The following TXNRD2 variants were observed in gnomAD, a reference collection of about 807,000 sequenced individuals.
TXNRD2 encodes the protein thioredoxin reductase 2.
In TXNRD2, 67 loss-of-function variants were observed where a neutral mutation model predicts 70.8. The ratio of observed to expected loss-of-function variants is 0.95; its 90% CI spans 0.78 to 1.16. The LOEUF is 1.16. Ranked by LOEUF, TXNRD2 falls within the 50% of genes most tolerant of loss-of-function variation. The probability of loss-of-function intolerance (pLI) is 0.00; values close to 1 mark genes in which losing one functional copy is unlikely to be tolerated. For missense variants in TXNRD2, 644 were observed against 719.9 expected, an observed-to-expected ratio of 0.89 and a Z score of 1.21; for synonymous variants, 301 against 295.8, an observed-to-expected ratio of 1.02 and a Z score of -0.18.
chr22:19,917,848 T>C (rs1312221142), intron 5 of TXNRD2, among the ~76,000 whole-genome samples: 1 of 152,190 alleles, frequency 6.6e-6, no homozygotes, highest in Non-Finnish European at 1.5e-5. Context: ...GCCTGAGGCC[T>C]TCCAGCCCCA....
intron 7 of TXNRD2, among the ~76,000 whole-genome samples, chr22:19,914,000 T>G (rs763979291): frequency 1.8e-4 from 27 of 152,160 alleles, no homozygotes; most frequent in Non-Finnish European, 3.8e-4. Flanking sequence ...TAAGCAGCTG[T>G]AACAACAGAA....
At chr22:19,909,892 C>CACACCACTCAG (rs1940311700) in intron 8 of TXNRD2, among the ~76,000 whole-genome samples, 1 of 31,224 alleles carries the variant, frequency 3.2e-5, no homozygotes, top group Non-Finnish European at 5.5e-5. Flanking sequence ...ACCACTCACA[C>CACACCACTCAG]ACACACACAC....
chr22:19,902,326 C>T (rs1423258671), intron 8 of TXNRD2, among the ~76,000 whole-genome samples: 1 of 152,232 alleles, frequency 6.6e-6, no homozygotes, highest in East Asian at 1.9e-4. Flanking sequence ...GGCAGGCTTT[C>T]TTGTTCAAAA....
rs994880290 is a variant in TXNRD2, at chr22:19,898,052, C to T, written c.761G>A (p.Arg254His). The change falls in exon 10 of 18, where the codon CGC becomes CAC. Residue 254 changes from arginine to histidine, a missense_variant. Physicochemically the swap from Arg to His is conservative, Grantham distance 29. Coordinates refer to ENST00000400521, the MANE Select transcript of TXNRD2 (RefSeq NM_006440.5). ...CTCCAGCACTACCTGGTCGAAGCCG[C>T]GGAGGGGGATGCTGCGCATCATGAT... is the stretch of plus-strand genomic sequence containing the variant. ...TTIMMRSIPLRGFDQQMSSMV... is the reference protein window; with the variant it reads ...TTIMMRSIPLHGFDQQMSSMV... 24 of 1,558,054 alleles carry T rather than the reference C, an allele frequency of 1.5e-5. No individual in the cohort carries two copies. The highest frequency in any genetic ancestry group is 1.7e-4 in the Middle Eastern group (1 of 6,006).
At chr22:19,879,558 G>T (rs1246076866) in intron 14 of TXNRD2, among the ~76,000 whole-genome samples, 1 of 149,240 alleles carries the variant, frequency 6.7e-6, no homozygotes, top group Admixed American at 6.6e-5. Flanking sequence ...GGGGCGGGGG[G>T]CGGGGGGCTC....
At chr22:19,934,276 G>A (rs1040824954) in intron 1 of TXNRD2, among the ~76,000 whole-genome samples, 2 of 151,980 alleles carry the variant, frequency 1.3e-5, no homozygotes, top group Admixed American at 1.3e-4. Flanking sequence ...AGCTACTAGG[G>A]AGGCTGAGGC....
intron 9 of TXNRD2, among the ~76,000 whole-genome samples, 169 bp downstream of exon 9, chr22:19,898,880 G>A (rs1022469524): frequency 3.3e-5 from 5 of 152,174 alleles, no homozygotes; most frequent in African/African-American, 7.2e-5. Context: ...CTGGCCAGAG[G>A]TCAGCCTCAA....
intron 8 of TXNRD2, among the ~76,000 whole-genome samples, chr22:19,899,637 G>A (rs1939682463): frequency 6.6e-6 from 1 of 152,234 alleles, no homozygotes; most frequent in Admixed American, 6.5e-5. Flanking sequence ...AGCAGTCATT[G>A]GAAATATTTG....
chr22:19,878,971 G>A (rs1457427584), intron 14 of TXNRD2, among the ~76,000 whole-genome samples: 2 of 152,230 alleles, frequency 1.3e-5, no homozygotes, highest in Admixed American at 1.3e-4. Flanking sequence ...TAAAAAATGA[G>A]TGGGGCCCTC....
At position 19,885,166 on chromosome 22, in the gene TXNRD2, G is replaced by A. The variant is rs1266869343; in HGVS notation, c.950-1705C>T. Among the ~76,000 whole-genome samples, 6 of 152,194 alleles carry A rather than the reference G, an allele frequency of 3.9e-5. No homozygotes were observed. In the East Asian group the frequency reaches 1.2e-3, roughly 29 times the overall value. On this transcript the variant is annotated intron_variant, in intron 11 of 17. Transcript: ENST00000400521. ...CCTTTCTCCCCTAACTCAGATGGGTGTGATTTTGCCAGGCCAGCGGATGGC... is the reference window on the plus strand; with the variant it reads ...CCTTTCTCCCCTAACTCAGATGGGTATGATTTTGCCAGGCCAGCGGATGGC...
chr22:19,895,423 G>T lies in TXNRD2; in HGVS notation c.933C>A (p.Thr311=), dbSNP rs187065627. Residue 311 remains threonine, a synonymous_variant, in exon 11 of 18, where the codon ACC becomes ACA. Transcript: ENST00000400521. ...TGKEDTGTFD[T]VLWAIGRVPD... ...TGCCCTTACCTATGGCCCACAGGACGGTGTCAAAGGTGCCCGTGTCCTCCT... is the reference window on the plus strand; with the variant it reads ...TGCCCTTACCTATGGCCCACAGGACTGTGTCAAAGGTGCCCGTGTCCTCCT... 2 of 1,613,836 alleles carry T rather than the reference G, an allele frequency of 1.2e-6. No homozygotes were observed. Among genetic ancestry groups the T allele is most frequent in the African/African-American group, 2.7e-5 (2 of 74,944 alleles).
intron 1 of TXNRD2, 189 bp downstream of exon 1, chr22:19,941,512 G>C: frequency 3.9e-6 from 4 of 1,037,200 alleles, no homozygotes; most frequent in Non-Finnish European, 5.1e-6. Context: ...TCCCCACCTG[G>C]GAAGGGGGCT....
intron 12 of TXNRD2, chr22:19,881,267 G>T (rs1938761989): frequency 7.6e-6 from 3 of 396,130 alleles, no homozygotes; most frequent in South Asian, 1.4e-4. Context: ...CTCTGGGATG[G>T]GCTGCCAATC....
At chr22:19,941,528 T>G (rs1941713815) in intron 1 of TXNRD2, 173 bp downstream of exon 1, 2 of 1,162,364 alleles carry the variant, frequency 1.7e-6, no homozygotes, top group African/African-American at 3.3e-5. Flanking sequence ...GGGCTACTTG[T>G]GGCTAGAAGC....
At chr22:19,880,770 A>C (rs748740766) in intron 12 of TXNRD2, 53 bp from the exon 13 acceptor site, 2 of 1,320,742 alleles carry the variant, frequency 1.5e-6, no homozygotes, top group Admixed American at 1.7e-5. Flanking sequence ...GGTTATATGC[A>C]GCCCCTATGC....
chr22:19,931,923 G>A (rs1284126576), intron 1 of TXNRD2, among the ~76,000 whole-genome samples: 3 of 152,114 alleles, frequency 2.0e-5, no homozygotes, highest in South Asian at 4.2e-4. Context: ...CACTTTTGGA[G>A]GCCAAGGCGG....
At chr22:19,877,466 C>CCCTGG (rs1938562663) in intron 16 of TXNRD2, among the ~76,000 whole-genome samples, 1 of 152,132 alleles carries the variant, frequency 6.6e-6, no homozygotes, top group African/African-American at 2.4e-5. Flanking sequence ...CCCTGGCTTG[C>CCCTGG]CCTGGCCTGG....
chr22:19,877,234 C>T lies in TXNRD2; in HGVS notation c.1446G>A (p.Lys482=). ...EVTQGFALGI[K]CGASYAQVMR... ...TCACCTGCGCATAGGAAGCCCCACA[C>T]CTGCACATGGGGGATGGGGGAGGCA... Residue 482 remains lysine, a splice_region_variant and synonymous_variant, in exon 17 of 18, where the codon AAG becomes AAA. Transcript: ENST00000400521. 1 of 1,609,406 alleles carries T rather than the reference C, an allele frequency of 6.2e-7. No individual in the cohort carries two copies. Among genetic ancestry groups the T allele is most frequent in the Non-Finnish European group, 8.5e-7 (1 of 1,177,124 alleles).
chr22:19,912,768 G>A (rs1251693298), intron 7 of TXNRD2, among the ~76,000 whole-genome samples: 3 of 152,224 alleles, frequency 2.0e-5, no homozygotes, highest in African/African-American at 4.8e-5. Context: ...GCTGCCTGGC[G>A]GCCAGACAAG....
Sources: allele counts gnomAD v4.1 joint callset (sites outside exome capture counted in the v4.1 genomes callset), GRCh38; gene constraint gnomAD v4.1.1; transcripts MANE v1.5; gene names NCBI Gene and HGNC (gene_info 2026-07-23, HGNC 2026-07-21).